Variants in SLC35F3 observed in about 807,000 individuals in gnomAD.
SLC35F3 encodes putative thiamine transporter SLC35F3.
SLC35F3 carries 25 observed loss-of-function variants against 49.9 expected under a neutral mutation model. That is an observed-to-expected ratio of 0.50 (90% CI 0.37 to 0.70). The LOEUF (loss-of-function observed/expected upper bound fraction) is 0.70, where lower values mean the gene tolerates loss of function less well. SLC35F3 is among the 30% of genes least tolerant of loss of function. The probability of loss-of-function intolerance (pLI) is 0.00; values close to 1 mark genes in which losing one functional copy is unlikely to be tolerated. For synonymous variants in SLC35F3, 275 were observed against 265.4 expected (o/e 1.04, Z -0.35); for missense variants, 525 against 639.8 (o/e 0.82, Z 1.94).
intron 2 of SLC35F3, among the ~76,000 whole-genome samples, chr1:234,130,898 G>A (rs187022658): frequency 1.3e-5 from 2 of 151,944 alleles, no homozygotes; most frequent in East Asian, 1.9e-4. Context: ...TAGTTAAAAC[G>A]TGGAAGCAAC....
At chr1:234,288,089 G>A (rs1413126886) in intron 3 of SLC35F3, among the ~76,000 whole-genome samples, 1 of 151,862 alleles carries the variant, frequency 6.6e-6, no homozygotes, top group Non-Finnish European at 1.5e-5. Context: ...GTCTCGCTAT[G>A]TTGCCCAGCC....
rs142234015 is a variant in SLC35F3, at chr1:234,307,692, A to C, written c.609-1409A>C. On this transcript the variant is annotated intron_variant, in intron 3 of 7. Coordinates refer to ENST00000366618, the MANE Select transcript of SLC35F3 (RefSeq NM_173508.4). ...TCTCGTGGCAGTTCATTTGGGACTG[A>C]GTCTATTTCTAGATCACTAGCAGGC... Among the ~76,000 whole-genome samples, 44 of 152,168 alleles carry C rather than the reference A, an allele frequency of 2.9e-4. No individual in the cohort carries two copies. The East Asian group carries it at 6.9e-3, about 24-fold the overall frequency.
At chr1:234,151,850 A>T (rs963275903) in intron 2 of SLC35F3, among the ~76,000 whole-genome samples, 2 of 152,166 alleles carry the variant, frequency 1.3e-5, no homozygotes, top group Non-Finnish European at 2.9e-5. Context: ...AATACTGAAA[A>T]CTATAATTCA....
At chr1:233,906,744 A>G (rs890932972) in intron 2 of SLC35F3, among the ~76,000 whole-genome samples, 8 of 152,016 alleles carry the variant, frequency 5.3e-5, no homozygotes, top group Non-Finnish European at 8.8e-5. Flanking sequence ...TTGTAATTTA[A>G]TCATATTCAT....
chr1:234,224,801 A>C (rs1667261556), intron 2 of SLC35F3, among the ~76,000 whole-genome samples: 1 of 152,210 alleles, frequency 6.6e-6, no homozygotes, highest in Admixed American at 6.5e-5. Context: ...AAATAACCTT[A>C]CTGATCTCCA....
chr1:234,313,356 G>A (rs532662482), intron 4 of SLC35F3, among the ~76,000 whole-genome samples: 1 of 152,332 alleles, frequency 6.6e-6, no homozygotes, highest in South Asian at 2.1e-4. Context: ...TGGTGTGTCT[G>A]TGACTCAGGC....
At chr1:234,141,509 CAT>C (rs1665913485) in intron 2 of SLC35F3, among the ~76,000 whole-genome samples, 1 of 152,216 alleles carries the variant, frequency 6.6e-6, no homozygotes, top group South Asian at 2.1e-4. Flanking sequence ...AGGTACTAAA[CAT>C]GTCCACCACC....
chr1:234,233,516 C>T (rs1667416764), intron 3 of SLC35F3, among the ~76,000 whole-genome samples: 1 of 152,250 alleles, frequency 6.6e-6, no homozygotes, highest in South Asian at 2.1e-4. Context: ...CCACCAGCCA[C>T]TTAGGGCGGG....
At chr1:234,119,653 A>G (rs770633423) in intron 2 of SLC35F3, among the ~76,000 whole-genome samples, 8 of 152,188 alleles carry the variant, frequency 5.3e-5, no homozygotes, top group African/African-American at 1.7e-4. Flanking sequence ...CATCCCTGGT[A>G]GAAATAATCC....
chr1:234,102,462 A>G (rs1665227902), intron 2 of SLC35F3, among the ~76,000 whole-genome samples: 1 of 152,234 alleles, frequency 6.6e-6, no homozygotes, highest in African/African-American at 2.4e-5. Context: ...GTCCTTTTCC[A>G]GAAGAGCCCA....
chr1:234,062,719 G>A (rs982980746), intron 2 of SLC35F3, among the ~76,000 whole-genome samples: 12 of 148,334 alleles, frequency 8.1e-5, no homozygotes, highest in East Asian at 3.9e-4. Context: ...TTGCTCTGTC[G>A]CCCAGGCTGG....
rs757073430 is a variant in SLC35F3 at position 234,184,334 on chromosome 1, A to G, written c.284-47083A>G. ...AATATCATTTCTCTGTGTAAGCTTG[A>G]TGTTTTCAGTATTCAAACTATTTTA... On this transcript the variant is annotated intron_variant, in intron 2 of 7. Coordinates refer to ENST00000366618, the MANE Select transcript of SLC35F3 (RefSeq NM_173508.4). 1.2e-4 allele frequency among the ~76,000 whole-genome samples: 18 copies of G among 152,192 alleles called. 1 individual carries two copies. The highest frequency in any genetic ancestry group is 7.9e-4 in the Admixed American group (12 of 15,284).
chr1:234,137,408 C>CT (rs1411865439), intron 2 of SLC35F3, among the ~76,000 whole-genome samples: 1 of 152,150 alleles, frequency 6.6e-6, no homozygotes, highest in African/African-American at 2.4e-5. Flanking sequence ...AAAGAGCAAT[C>CT]ATTGACTTAG....
At chr1:234,055,725 CTG>C (rs1664447475) in intron 2 of SLC35F3, among the ~76,000 whole-genome samples, 1 of 152,188 alleles carries the variant, frequency 6.6e-6, no homozygotes, top group African/African-American at 2.4e-5. Flanking sequence ...CACCCATCTT[CTG>C]CGTCGCTCAC....
chr1:234,157,181 G>T (rs12084363), intron 2 of SLC35F3, among the ~76,000 whole-genome samples: 5,173 of 152,164 alleles, frequency 0.034, 277 homozygotes, highest in African/African-American at 0.11. Flanking sequence ...AACAATAGGG[G>T]AAAAATCTGT....
rs1002413126 is a variant in SLC35F3 at position 233,905,762 on chromosome 1, A to G, written c.283+4A>G. 1.2e-6 allele frequency: 2 copies of G among 1,605,566 alleles called. No individual in the cohort carries two copies. On this transcript the variant is annotated splice_donor_region_variant and intron_variant, in intron 2 of 7. Transcript: ENST00000366618. ...CCCTGGGCAGCGAGCTGCAAAAGTA[A>G]GACCCCCTCACGTCATGTTTCCCGT...
In SLC35F3 at chr1:234,214,286, G is replaced by A; in HGVS notation, c.284-17131G>A. ...TGTGTGGAGTGGCTGCGCGGCCGGG[G>A]AGGATGTGCGCTGCAGGGCGGCCGC... On this transcript the variant is annotated intron_variant, in intron 2 of 7. Coordinates refer to ENST00000366618, the MANE Select transcript of SLC35F3 (RefSeq NM_173508.4). This position sits in a 1 kb window ranked among gnomAD's most constrained non-coding sequence, Gnocchi z 8.0. 3 of 1,277,260 alleles carry A rather than the reference G, an allele frequency of 2.3e-6. No individual in the cohort carries two copies. In the South Asian group the frequency reaches 7.9e-5, roughly 34 times the overall value. 79.1% of individuals were successfully genotyped at this position (1,277,260 alleles called of 1,614,324 possible).
At chr1:234,291,213 T>C (rs767500094) in intron 3 of SLC35F3, among the ~76,000 whole-genome samples, 14 of 152,226 alleles carry the variant, frequency 9.2e-5, no homozygotes, top group Non-Finnish European at 1.5e-4. Context: ...CATTCAATTC[T>C]GATTGCTAGA....
chr1:234,020,370 T>C (rs1034770870), intron 2 of SLC35F3, among the ~76,000 whole-genome samples: 2 of 152,194 alleles, frequency 1.3e-5, no homozygotes, highest in African/African-American at 4.8e-5. Flanking sequence ...ATCTTTGTAC[T>C]TAGAAATGTA....
Sources: gnomAD v4.1 joint callset for allele counts (sites outside exome capture counted in the v4.1 genomes callset) on GRCh38, gnomAD v4.1.1 for gene constraint, Gnocchi (gnomAD v3.1) non-coding constraint, MANE v1.5 for transcripts, NCBI Gene and HGNC (gene_info 2026-07-23, HGNC 2026-07-21) for gene names.